CLNK: variants seen among roughly 807,000 people sequenced by gnomAD.
CLNK encodes cytokine dependent hematopoietic cell linker.
A neutral mutation model predicts 68.6 loss-of-function variants in CLNK; 74 were observed. The ratio of observed to expected loss-of-function variants is 1.08; its 90% CI spans 0.89 to 1.31. The LOEUF is 1.31. CLNK is among the 50% of genes most tolerant of loss of function. CLNK has a pLI of 0.00. For missense variants in CLNK, 553 were observed against 515.3 expected (o/e 1.07, Z -0.71); for synonymous variants, 198 against 172.2 (o/e 1.15, Z -1.17).
chr4:10,655,605 C>T (rs922551795), intron 2 of CLNK, among the ~76,000 whole-genome samples: 2 of 148,400 alleles, frequency 1.3e-5, no homozygotes, highest in Non-Finnish European at 3.0e-5. Context: ...ACAGAGCTGG[C>T]ATTGCAGATG....
chr4:10,611,506 A>G (rs1722021425), intron 2 of CLNK, among the ~76,000 whole-genome samples: 2 of 151,404 alleles, frequency 1.3e-5, no homozygotes, highest in Admixed American at 1.3e-4. Flanking sequence ...GAAAAAAAAA[A>G]AAAAATGTAG....
intron 2 of CLNK, among the ~76,000 whole-genome samples, chr4:10,616,791 T>TAC (rs1722247819): frequency 0.015 from 19 of 1,238 alleles, no homozygotes; most frequent in African/African-American, 0.031. Context: ...TGTGTGTGTG[T>TAC]ATATATATAT....
At chr4:10,621,717 G>A in intron 2 of CLNK, among the ~76,000 whole-genome samples, 1 of 152,322 alleles carries the variant, frequency 6.6e-6, no homozygotes, top group African/African-American at 2.4e-5. Flanking sequence ...GCTGCAAAAT[G>A]CAGGACAATT....
chr4:10,624,090 GA>G (rs928195038), intron 2 of CLNK, among the ~76,000 whole-genome samples: 9 of 152,208 alleles, frequency 5.9e-5, no homozygotes, highest in Non-Finnish European at 1.2e-4. Context: ...TCTCTAGGTG[GA>G]AAAGCAAATA....
intron 2 of CLNK, among the ~76,000 whole-genome samples, chr4:10,655,334 C>CAGAGAGAGAGAGAGAGAGAGAGAG (rs148877353): frequency 8.9e-5 from 12 of 135,398 alleles, no homozygotes; most frequent in South Asian, 5.0e-4. Flanking sequence ...CCCCCAAAGA[C>CAGAGAGAGAGAGAGAGAGAGAGAG]AGAGAGAGAG....
chr4:10,605,825 C>CAAAAAAAAAAAAAAAAAAAAAAAAAAA (rs59881800), intron 2 of CLNK, among the ~76,000 whole-genome samples: 1 of 100,392 alleles, frequency 1.0e-5, no homozygotes, highest in Non-Finnish European at 1.9e-5. Context: ...AGACTCTGTC[C>CAAAAAAAAAAAAAAAAAAAAAAAAAAA]AAAAAAAAAA....
At chr4:10,678,679 C>T (rs1724965804) in intron 1 of CLNK, among the ~76,000 whole-genome samples, 3 of 152,152 alleles carry the variant, frequency 2.0e-5, no homozygotes, top group Admixed American at 2.0e-4. Flanking sequence ...TCAGCAAAGT[C>T]TCAGGATACA....
At chr4:10,597,056 T>C (rs948958394) in intron 3 of CLNK, among the ~76,000 whole-genome samples, 1 of 152,250 alleles carries the variant, frequency 6.6e-6, no homozygotes, top group Non-Finnish European at 1.5e-5. Context: ...ACCTCAAGTA[T>C]TCTATCATCT....
chr4:10,698,055 G>T, the CLNK span, among the ~76,000 whole-genome samples: 11 of 152,250 alleles, frequency 7.2e-5, no homozygotes, highest in African/African-American at 2.4e-4. Context: ...GGTAAAAGCT[G>T]CAATAAGCAG....
intron 8 of CLNK, among the ~76,000 whole-genome samples, chr4:10,546,828 G>A (rs1041208619): frequency 6.6e-6 from 1 of 152,122 alleles, no homozygotes; most frequent in African/African-American, 2.4e-5. Flanking sequence ...ATTTCTTTCA[G>A]TTGTGGAGGC....
chr4:10,537,219 T>A (rs529543111), intron 11 of CLNK, among the ~76,000 whole-genome samples: 7 of 152,238 alleles, frequency 4.6e-5, no homozygotes, highest in African/African-American at 1.7e-4. Context: ...GGCTCACGTC[T>A]GTAATCCCAG....
chr4:10,584,978 GT>G (rs1560228422), intron 3 of CLNK, 23 bp from the exon 4 acceptor site: 1 of 1,613,112 alleles, frequency 6.2e-7, no homozygotes, highest in Non-Finnish European at 8.5e-7. Context: ...AGAGAACCAA[GT>G]TAAATGTCCA....
chr4:10,634,541 T>G (rs1469982453), intron 2 of CLNK, among the ~76,000 whole-genome samples: 1 of 152,236 alleles, frequency 6.6e-6, no homozygotes. Context: ...CCCAGCAGCC[T>G]GGATTCTGCC....
chr4:10,598,948 T>C (rs1414503521), intron 2 of CLNK, among the ~76,000 whole-genome samples: 1 of 152,234 alleles, frequency 6.6e-6, no homozygotes, highest in Non-Finnish European at 1.5e-5. Flanking sequence ...CCCTTTCAGG[T>C]ACCGTTCCCT....
At chr4:10,640,931 A>G (rs187740808) in intron 2 of CLNK, among the ~76,000 whole-genome samples, 7 of 152,338 alleles carry the variant, frequency 4.6e-5, no homozygotes, top group Non-Finnish European at 7.3e-5. Flanking sequence ...CTATAGCTAG[A>G]AGTGAAGCCA....
intron 2 of CLNK, among the ~76,000 whole-genome samples, chr4:10,648,708 G>A (rs1723614260): frequency 6.6e-6 from 1 of 152,132 alleles, no homozygotes; most frequent in Non-Finnish European, 1.5e-5. Flanking sequence ...GAGGGCTCTG[G>A]CTTTCTGGTT....
intron 2 of CLNK, among the ~76,000 whole-genome samples, chr4:10,608,211 G>A (rs1223537029): frequency 1.3e-5 from 2 of 152,134 alleles, no homozygotes; most frequent in African/African-American, 2.4e-5. Flanking sequence ...TTTTATCTTA[G>A]TTATCATTTC....
chr4:10,518,504 A>G (rs1160633070), intron 15 of CLNK, among the ~76,000 whole-genome samples: 1 of 152,208 alleles, frequency 6.6e-6, no homozygotes, highest in Non-Finnish European at 1.5e-5. Flanking sequence ...GCATTGGTGA[A>G]CAAACACTAA....
chr4:10,724,501 T>C, the CLNK span, among the ~76,000 whole-genome samples: 63,443 of 149,456 alleles, frequency 0.42, 14,380 homozygotes, highest in East Asian at 0.58. Context: ...TTTCGTTGCC[T>C]ATTATAATGT....
Sources: allele counts gnomAD v4.1 joint callset (sites outside exome capture counted in the v4.1 genomes callset), GRCh38; gene constraint gnomAD v4.1.1; transcripts MANE v1.5; gene names NCBI Gene and HGNC (gene_info 2026-07-23, HGNC 2026-07-21).